The following ZNF343 variants were observed in gnomAD, a reference collection of about 807,000 sequenced individuals.
ZNF343 encodes zinc finger protein 343.
ZNF343 carries 11 observed loss-of-function variants against 13.8 expected under a neutral mutation model. The ratio of observed to expected loss-of-function variants is 0.80; its 90% CI spans 0.50 to 1.32. ZNF343 has a LOEUF of 1.32. Ranked by LOEUF, ZNF343 falls within the 40% of genes most tolerant of loss-of-function variation. The pLI, the probability that ZNF343 is intolerant of heterozygous loss-of-function variation, is 0.00. For synonymous variants in ZNF343, 248 were observed against 260.0 expected (o/e 0.95, Z 0.44); for missense variants, 658 against 714.2 (o/e 0.92, Z 0.90).
Position 2,494,026 on chromosome 20 carries a change from G to A in ZNF343, c.-131C>T. Reference sequence around the variant, plus strand: ...ACCTTAATTATAAAAAGCCCAGCTTGTTTCCCTGCAGCCAGGACCTGTGGG... The same window carrying A: ...ACCTTAATTATAAAAAGCCCAGCTTATTTCCCTGCAGCCAGGACCTGTGGG... On this transcript the variant is annotated 5_prime_UTR_variant, in exon 3 of 6. Transcript: ENST00000278772. 1.4e-6 allele frequency: 1 copy of A among 705,818 alleles called. No homozygotes were observed. Among genetic ancestry groups the A allele is most frequent in the Non-Finnish European group, 2.5e-6 (1 of 404,470 alleles). 43.7% of individuals were successfully genotyped at this position (705,818 alleles called of 1,614,324 possible).
upstream of ZNF343, among the ~76,000 whole-genome samples, chr20:2,509,310 C>T (rs2085721939): frequency 6.6e-6 from 1 of 152,256 alleles, no homozygotes; most frequent in Middle Eastern, 3.4e-3. Context: ...GGCTCCATAG[C>T]ACGCGAACTA....
At position 2,507,668 on chromosome 20, in the gene ZNF343, T is replaced by C. The variant is rs1346031022; in HGVS notation, c.-237+1213A>G. On this transcript the variant is annotated intron_variant, in intron 1 of 5. Transcript: ENST00000278772. ...AATGATGTCAGCAATGGCCAATCCC[T>C]GTGGGGTCTGACAATTCTCAAAGTG... Among the ~76,000 whole-genome samples, 4 of 152,288 alleles carry C rather than the reference T, an allele frequency of 2.6e-5. 1 individual carries two copies. The South Asian group carries it at 8.3e-4, about 32-fold the overall frequency.
upstream of ZNF343, among the ~76,000 whole-genome samples, chr20:2,510,821 C>A (rs747818589): frequency 2.0e-4 from 31 of 152,184 alleles, no homozygotes; most frequent in Non-Finnish European, 3.7e-4. Flanking sequence ...CATCCATCTC[C>A]CTGACTGACC....
At chr20:2,492,314 A>G (rs944814095) in intron 5 of ZNF343, among the ~76,000 whole-genome samples, 22 of 152,114 alleles carry the variant, frequency 1.4e-4, no homozygotes, top group Admixed American at 2.0e-4. Flanking sequence ...AAATGCTCTT[A>G]CACTAGATAC....
At chr20:2,502,316 A>G (rs919595155) in intron 1 of ZNF343, among the ~76,000 whole-genome samples, 1 of 152,234 alleles carries the variant, frequency 6.6e-6, no homozygotes, top group African/African-American at 2.4e-5. Context: ...ACTATGTGAA[A>G]AGACCAAATC....
At chr20:2,498,034 A>C (rs376836814) in intron 2 of ZNF343, among the ~76,000 whole-genome samples, 20 of 152,152 alleles carry the variant, frequency 1.3e-4, no homozygotes, top group African/African-American at 4.6e-4. Flanking sequence ...GAGCCACTTC[A>C]TGGTCCAGTG....
chr20:2,510,654 CCG>C (rs1568492374), upstream of ZNF343, among the ~76,000 whole-genome samples: 1 of 152,188 alleles, frequency 6.6e-6, no homozygotes, highest in Non-Finnish European at 1.5e-5. Flanking sequence ...TTGGAGGCTG[CCG>C]TGTTAGTACT....
upstream of ZNF343, among the ~76,000 whole-genome samples, chr20:2,510,129 T>C (rs1486475261): frequency 1.3e-5 from 2 of 152,226 alleles, no homozygotes; most frequent in African/African-American, 4.8e-5. Flanking sequence ...TTCTTTTTGA[T>C]AAAGGCAATT....
At chr20:2,514,377 A>G (rs2085750452) in intron 1 of ZNF343, among the ~76,000 whole-genome samples, 1 of 152,366 alleles carries the variant, frequency 6.6e-6, no homozygotes, top group South Asian at 2.1e-4. Context: ...TATGAAAATG[A>G]GCTTGAATCG....
chr20:2,505,306 A>G (rs2085637290), intron 1 of ZNF343, among the ~76,000 whole-genome samples: 1 of 152,232 alleles, frequency 6.6e-6, no homozygotes, highest in South Asian at 2.1e-4. Context: ...AGAGGATACA[A>G]ACAAATGGAA....
intron 5 of ZNF343, 138 bp downstream of exon 5, chr20:2,492,561 T>C (rs2085382632): frequency 1.0e-6 from 1 of 954,314 alleles, no homozygotes; most frequent in African/African-American, 1.7e-5. Context: ...CACTAGAAAG[T>C]AAGCCCCATG....
At chr20:2,514,585 C>T (rs2085751165) in intron 1 of ZNF343, among the ~76,000 whole-genome samples, 2 of 152,080 alleles carry the variant, frequency 1.3e-5, no homozygotes, top group African/African-American at 4.8e-5. Context: ...TAAGATGAAT[C>T]CAGTCAGTAT....
intron 1 of ZNF343, among the ~76,000 whole-genome samples, chr20:2,519,606 G>A (rs188046682): frequency 2.0e-5 from 3 of 152,194 alleles, no homozygotes; most frequent in East Asian, 1.9e-4. Context: ...GTGTGTATAC[G>A]CATATACATA....
At position 2,483,018 on chromosome 20, in the gene ZNF343, G is replaced by T; in HGVS notation, c.*143C>A. ...TCCTGAACGTGTCCCTCCCATGCCT[G>T]ATAAGGGCTGACACATCTCTGGAAC... On this transcript the variant is annotated 3_prime_UTR_variant, in exon 6 of 6. Coordinates refer to ENST00000278772, the MANE Select transcript of ZNF343 (RefSeq NM_024325.6). The T allele has an allele frequency of 2.0e-6, 2 of 1,017,840 alleles. No individual in the cohort carries two copies. The highest frequency in any genetic ancestry group is 2.8e-6 in the Non-Finnish European group (2 of 708,950). 63.1% of individuals were successfully genotyped at this position (1,017,840 alleles called of 1,614,324 possible).
At chr20:2,510,209 C>T (rs2085730271), upstream of ZNF343, among the ~76,000 whole-genome samples, 1 of 152,182 alleles carries the variant, frequency 6.6e-6, no homozygotes, top group Admixed American at 6.5e-5. Context: ...GTATAGCAAA[C>T]AATGTCAAAT....
chr20:2,523,293 T>A (rs2122767705), intron 1 of ZNF343, among the ~76,000 whole-genome samples: 1 of 152,312 alleles, frequency 6.6e-6, no homozygotes, highest in African/African-American at 2.4e-5. Flanking sequence ...AACTCATCAA[T>A]AATCCACACC....
chr20:2,505,248 G>A (rs2085636092), intron 1 of ZNF343, among the ~76,000 whole-genome samples: 1 of 152,160 alleles, frequency 6.6e-6, no homozygotes, highest in South Asian at 2.1e-4. Context: ...ACTTACAAGG[G>A]ACGTGAAGGA....
chr20:2,490,920 G>A (rs905206477), intron 5 of ZNF343, among the ~76,000 whole-genome samples: 3 of 152,174 alleles, frequency 2.0e-5, no homozygotes, highest in Non-Finnish European at 4.4e-5. Flanking sequence ...TGAATCTACA[G>A]TGATTTAGAT....
intron 5 of ZNF343, among the ~76,000 whole-genome samples, chr20:2,487,205 T>C (rs772575572): frequency 1.6e-4 from 25 of 152,226 alleles, no homozygotes; most frequent in Non-Finnish European, 7.3e-5. Flanking sequence ...TATTCGATTG[T>C]AGGGATTTTC....
Sources: allele counts gnomAD v4.1 joint callset (sites outside exome capture counted in the v4.1 genomes callset), GRCh38; gene constraint gnomAD v4.1.1; transcripts MANE v1.5; gene names NCBI Gene and HGNC (gene_info 2026-07-23, HGNC 2026-07-21).